The following PNPT1 variants were observed in gnomAD, a reference collection of about 807,000 sequenced individuals.
PNPT1 encodes the protein polyribonucleotide nucleotidyltransferase 1, also known as polyribonucleotide nucleotidyltransferase 1, mitochondrial.
A neutral mutation model predicts 119.5 loss-of-function variants in PNPT1; 53 were observed. That is an observed-to-expected ratio of 0.44 (90% CI 0.36 to 0.56). The LOEUF is 0.56. PNPT1 is among the 20% of genes least tolerant of loss of function. The pLI, the probability that PNPT1 is intolerant of heterozygous loss-of-function variation, is 0.00. For synonymous variants in PNPT1, 357 were observed against 322.1 expected, an observed-to-expected ratio of 1.11 and a Z score of -1.16; for missense variants, 948 against 938.5, an observed-to-expected ratio of 1.01 and a Z score of -0.13.
chr2:55,676,563 T>TA (rs200808680), intron 8 of PNPT1, among the ~76,000 whole-genome samples: 4,529 of 152,264 alleles, frequency 0.03, 106 homozygotes, highest in South Asian at 0.089. Context: ...GATTATACTC[T>TA]AAAGATCTGG....
intron 13 of PNPT1, among the ~76,000 whole-genome samples, chr2:55,663,706 C>A (rs1039366442): frequency 6.6e-6 from 1 of 151,994 alleles, no homozygotes; most frequent in Non-Finnish European, 1.5e-5. Context: ...CGGCTGGGTG[C>A]GGTGGCTCAT....
chr2:55,690,334 G>T (rs1199358582), intron 1 of PNPT1, among the ~76,000 whole-genome samples: 1 of 58,164 alleles, frequency 1.7e-5, no homozygotes, highest in African/African-American at 7.8e-5. Context: ...CCAAGTCAGT[G>T]ACCCCTGAAG....
chr2:55,686,071 G>A lies in PNPT1; in HGVS notation c.297+299C>T, dbSNP rs190688070. Among the ~76,000 whole-genome samples, 538 of 152,280 alleles carry A rather than the reference G, an allele frequency of 3.5e-3. 1 individual carries two copies. The highest frequency in any genetic ancestry group is 4.4e-3 in the Non-Finnish European group (301 of 68,024). On this transcript the variant is annotated intron_variant, in intron 3 of 27. Coordinates refer to ENST00000447944, the MANE Select transcript of PNPT1 (RefSeq NM_033109.5). Reference sequence around the variant, plus strand: ...CTGACTGTACTTGCAGAGTCATACTGAAGGGAAACTATGAGGGCAATGAAT... The same window carrying A: ...CTGACTGTACTTGCAGAGTCATACTAAAGGGAAACTATGAGGGCAATGAAT...
At chr2:55,640,006 C>G (rs896908065) in intron 26 of PNPT1, among the ~76,000 whole-genome samples, 1 of 152,124 alleles carries the variant, frequency 6.6e-6, no homozygotes, top group Non-Finnish European at 1.5e-5. Context: ...TATTCACTGA[C>G]TATAATACAA....
At position 55,645,500 on chromosome 2, in the gene PNPT1, G is replaced by C; in HGVS notation, c.1739-68C>G. ...TATGATCTGAAATACTGTACTCTTA[G>C]TTTTCACGGTATACAATCTAAACCC... On this transcript the variant is annotated intron_variant, in intron 21 of 27. Coordinates refer to ENST00000447944, the MANE Select transcript of PNPT1 (RefSeq NM_033109.5). The C allele has an allele frequency of 3.0e-6, 3 of 1,003,900 alleles. No individual in the cohort carries two copies. The South Asian group carries it at 4.2e-5, about 14-fold the overall frequency. 62.2% of individuals were successfully genotyped at this position (1,003,900 alleles called of 1,614,324 possible).
chr2:55,657,885 AAAAAAAAAAAAAAAAAAAG>A (rs1696438636), intron 15 of PNPT1, among the ~76,000 whole-genome samples: 6 of 113,860 alleles, frequency 5.3e-5, no homozygotes, highest in Non-Finnish European at 9.0e-5. Flanking sequence ...AAAAAAAAAA[AAAAAAAAAAAAAAAAAAAG>A]AATGTAATGG....
intron 4 of PNPT1, 34 bp from the exon 5 acceptor site, chr2:55,683,868 C>T (rs1697319724): frequency 1.2e-6 from 2 of 1,602,424 alleles, no homozygotes; most frequent in Non-Finnish European, 1.7e-6. Flanking sequence ...TTAAACCGTA[C>T]TGACAGAGTT....
rs998420974 is a variant in PNPT1 at position 55,684,808 on chromosome 2, A to G, written c.403+135T>C. ...TGCCCACATTTGAGTGAGGGAAGAG[A>G]AGGAGTGAATAATCTTAGGTGGTGT... On this transcript the variant is annotated intron_variant, in intron 4 of 27. Coordinates refer to ENST00000447944, the MANE Select transcript of PNPT1 (RefSeq NM_033109.5). 1.7e-5 allele frequency: 20 copies of G among 1,163,002 alleles called. No individual in the cohort carries two copies. In the East Asian group the frequency reaches 1.8e-4, roughly 10 times the overall value. 72.0% of individuals were successfully genotyped at this position (1,163,002 alleles called of 1,614,324 possible). A position where few individuals can be genotyped will look rare whatever the true frequency, so the allele number is the denominator to read the frequency against.
At chr2:55,687,898 C>T (rs1697463417) in intron 1 of PNPT1, among the ~76,000 whole-genome samples, 193 bp from the exon 2 acceptor site, 6 of 151,984 alleles carry the variant, frequency 3.9e-5, no homozygotes, top group South Asian at 2.1e-4. Flanking sequence ...AAGAAGAATA[C>T]GGAAACCAAG....
In PNPT1 at chr2:55,686,453, T is replaced by C. The variant is rs202243908; in HGVS notation, c.223-9A>G. ...ACTGCAGTGTCACCTGACTTAAACA[T>C]AAAGAACAACGCTGGTAAGTTCCTT... On this transcript the variant is annotated splice_polypyrimidine_tract_variant and intron_variant, in intron 2 of 27. Coordinates refer to ENST00000447944, the MANE Select transcript of PNPT1 (RefSeq NM_033109.5). The C allele has an allele frequency of 1.2e-6, 2 of 1,610,554 alleles. No individual in the cohort carries two copies. The highest frequency in any genetic ancestry group is 2.2e-5 in the East Asian group (1 of 44,832).
intron 15 of PNPT1, 33 bp from the exon 16 acceptor site, chr2:55,656,404 C>T: frequency 6.6e-7 from 1 of 1,525,458 alleles, no homozygotes; most frequent in Non-Finnish European, 8.9e-7. Context: ...CACACATATA[C>T]AATTGACATA....
intron 25 of PNPT1, among the ~76,000 whole-genome samples, chr2:55,641,726 T>C (rs1695838544): frequency 6.6e-6 from 1 of 152,194 alleles, no homozygotes. Flanking sequence ...TTATTTCAAA[T>C]AGCTTTGAAC....
chr2:55,687,544 G>T, intron 2 of PNPT1, 101 bp downstream of exon 2: 1 of 838,332 alleles, frequency 1.2e-6, no homozygotes, highest in Non-Finnish European at 1.8e-6. Context: ...TTAATTTCCA[G>T]TACCAAAATT....
At chr2:55,656,266 T>G in intron 16 of PNPT1, 39 bp downstream of exon 16, 1 of 1,611,626 alleles carries the variant, frequency 6.2e-7, no homozygotes, top group South Asian at 1.1e-5. Flanking sequence ...ATTAAGTCTC[T>G]GTAAGAATAC....
chr2:55,652,355 T>G (rs916255747), intron 18 of PNPT1, among the ~76,000 whole-genome samples: 6 of 152,370 alleles, frequency 3.9e-5, no homozygotes, highest in African/African-American at 1.4e-4. Flanking sequence ...TTCATTCTTA[T>G]CAAATTTAAT....
rs191735224 is a variant in PNPT1 at position 55,647,708 on chromosome 2, G to C, written c.1496-255C>G. On this transcript the variant is annotated intron_variant, in intron 18 of 27. Transcript: ENST00000447944. The stretch of plus-strand genomic sequence containing the variant: ...CTAATTTGCTTGTATTTTTAGTGGA[G>C]ATGGGGTTTCAACCATGTTGGCCCT... Among the ~76,000 whole-genome samples, 287 of 152,126 alleles carry C rather than the reference G, an allele frequency of 1.9e-3. 2 individuals carry two copies. Among genetic ancestry groups the C allele is most frequent in the Non-Finnish European group, 2.9e-3 (197 of 68,024 alleles).
At chr2:55,660,425 A>G (rs1044331659) in intron 14 of PNPT1, among the ~76,000 whole-genome samples, 4 of 152,222 alleles carry the variant, frequency 2.6e-5, no homozygotes, top group African/African-American at 4.8e-5. Context: ...TACTTTAAAT[A>G]TAAGTCCTTA....
intron 11 of PNPT1, 125 bp from the exon 12 acceptor site, chr2:55,668,083 T>C: frequency 2.5e-6 from 2 of 794,924 alleles, no homozygotes; most frequent in South Asian, 1.8e-5. Context: ...TCTGAACGTT[T>C]AGTCCTCAGG....
At chr2:55,643,503 G>C (rs561848790) in intron 23 of PNPT1, 78 bp from the exon 24 acceptor site, 2 of 1,236,990 alleles carry the variant, frequency 1.6e-6, no homozygotes, top group South Asian at 1.3e-5. Context: ...CCAGCACTCT[G>C]GGGGGCTGAG....
Sources: allele counts gnomAD v4.1 joint callset (sites outside exome capture counted in the v4.1 genomes callset), GRCh38; gene constraint gnomAD v4.1.1; transcripts MANE v1.5; gene names NCBI Gene and HGNC (gene_info 2026-07-23, HGNC 2026-07-21).